Variants in KLF5 observed in about 807,000 individuals in gnomAD.
The protein encoded by KLF5 is KLF transcription factor 5, also known as Krueppel-like factor 5.
Under a neutral mutation model 36.9 loss-of-function variants are expected in KLF5, and 9 were observed. The ratio of observed to expected loss-of-function variants is 0.24; its 90% CI spans 0.15 to 0.43. The LOEUF is 0.43. Among genes scored for constraint, KLF5 ranks in the 20% least tolerant of loss-of-function variants. The pLI is 1.00. For missense variants in KLF5, 524 were observed against 599.5 expected (o/e 0.87, Z 1.31); for synonymous variants, 246 against 241.7 (o/e 1.02, Z -0.17).
At chr13:73,063,987 GT>G (rs397951061) in intron 3 of KLF5, 104 bp downstream of exon 3, 1,544 of 447,842 alleles carry the variant, frequency 3.4e-3, no homozygotes, top group African/African-American at 8.5e-3. Context: ...TGTCAACTTT[GT>G]TTTTTTTTTT....
chr13:73,062,920 G>A lies in KLF5; in HGVS notation c.1135+186G>A, dbSNP rs2044650762. ...TTTTTTTTTTCTCTATCCTATCTCT[G>A]TGCTTTAACTTTGGTATGTAAACCA... is the stretch of plus-strand genomic sequence containing the variant. On this transcript the variant is annotated intron_variant, in intron 2 of 3. Coordinates refer to ENST00000377687, the MANE Select transcript of KLF5 (RefSeq NM_001730.5). Among the ~76,000 whole-genome samples, 5 of 147,542 alleles carry A rather than the reference G, an allele frequency of 3.4e-5. 1 individual carries two copies. Among genetic ancestry groups the A allele is most frequent in the Non-Finnish European group, 7.4e-5 (5 of 67,146 alleles).
At chr13:73,060,721 C>G (rs41286076) in intron 1 of KLF5, 4 of 152,098 alleles carry the variant, frequency 2.6e-5, no homozygotes, top group African/African-American at 9.7e-5. Flanking sequence ...GTCTTATTTA[C>G]CTGTTAAGGT....
chr13:73,068,563 G>A (rs1396715366), intron 3 of KLF5, among the ~76,000 whole-genome samples: 1 of 151,586 alleles, frequency 6.6e-6, no homozygotes, highest in South Asian at 2.1e-4. Flanking sequence ...AATTAGTCAG[G>A]CGTGGTGGCA....
At chr13:73,062,808 T>G (rs1212890020) in intron 2 of KLF5, 74 bp downstream of exon 2, 2 of 1,317,502 alleles carry the variant, frequency 1.5e-6, no homozygotes, top group Non-Finnish European at 2.1e-6. Context: ...CGCGCGCGTG[T>G]GCGTGTGTGC....
intron 3 of KLF5, among the ~76,000 whole-genome samples, chr13:73,073,099 C>T (rs2139117608): frequency 6.6e-6 from 1 of 152,302 alleles, no homozygotes; most frequent in East Asian, 1.9e-4. Context: ...CTTTTGAAAG[C>T]TCTATCCTGT....
intron 1 of KLF5, 115 bp downstream of exon 1, chr13:73,059,703 C>T (rs1490398897): frequency 3.2e-6 from 3 of 936,732 alleles, no homozygotes; most frequent in Non-Finnish European, 3.8e-6. Context: ...CGGGGCGCAC[C>T]GGAGCCGGTG....
intron 1 of KLF5, among the ~76,000 whole-genome samples, chr13:73,060,339 G>A (rs1187996323): frequency 6.6e-6 from 1 of 151,938 alleles, no homozygotes; most frequent in Non-Finnish European, 1.5e-5. Context: ...AAAACTTCCC[G>A]GGACTTTTAG....
chr13:73,061,350 C>T (rs1033938034), intron 1 of KLF5, among the ~76,000 whole-genome samples: 1 of 151,998 alleles, frequency 6.6e-6, no homozygotes, highest in African/African-American at 2.4e-5. Context: ...TTTTATATTA[C>T]TTTTGAAGTA....
upstream of KLF5, among the ~76,000 whole-genome samples, chr13:73,057,659 AG>A (rs1404553226): frequency 6.6e-6 from 1 of 152,256 alleles, no homozygotes; most frequent in Non-Finnish European, 1.5e-5. Context: ...CACTCTTTGA[AG>A]TGAACGTTTT....
intron 1 of KLF5, 83 bp downstream of exon 1, chr13:73,059,671 C>T (rs2044615869): frequency 4.8e-6 from 5 of 1,039,912 alleles, no homozygotes; most frequent in Non-Finnish European, 4.6e-6. Context: ...CGACAGGGGC[C>T]GCTCCAGGCT....
At position 73,059,234 on chromosome 13, in the gene KLF5, C is replaced by A. The variant is rs1460899204; in HGVS notation, c.-94C>A. On this transcript the variant is annotated 5_prime_UTR_variant, in exon 1 of 4. Coordinates refer to ENST00000377687, the MANE Select transcript of KLF5 (RefSeq NM_001730.5). Reference sequence around the variant, plus strand: ...CCACCCGAAACCTCCCCTCCTCCGCCGGCAGCCCCGCGCTGAGCTCGCCGA... The same window carrying A: ...CCACCCGAAACCTCCCCTCCTCCGCAGGCAGCCCCGCGCTGAGCTCGCCGA... 3 of 1,198,186 alleles carry A rather than the reference C, an allele frequency of 2.5e-6. No individual in the cohort carries two copies. The highest frequency in any genetic ancestry group is 3.2e-6 in the Non-Finnish European group (3 of 948,502). 74.2% of individuals were successfully genotyped at this position (1,198,186 alleles called of 1,614,324 possible).
rs919174078 is a variant in KLF5 at position 73,062,192 on chromosome 13, C to T, written c.593C>T (p.Thr198Ile). 2 of 1,614,030 alleles carry T rather than the reference C, an allele frequency of 1.2e-6. No homozygotes were observed. The highest frequency in any genetic ancestry group is 3.3e-5 in the Admixed American group (2 of 60,004). Residue 198 changes from threonine (T) to isoleucine (I), a missense_variant, in exon 2 of 4, where the codon ACC (threonine) becomes ATC (isoleucine). This residue lies in a region of KLF5 where 454 missense variants were observed against 458.1 expected (regional missense o/e 0.99). Coordinates refer to ENST00000377687, the MANE Select transcript of KLF5 (RefSeq NM_001730.5). ...ACCAGTATATTCAGCTCACACCAGA[C>T]CGCAGCTCCAGAGGTGAACAATATT... ...EFTSIFSSHQ[T>I]AAPEVNNIFI...
At chr13:73,071,583 A>C (rs1003601332) in intron 3 of KLF5, among the ~76,000 whole-genome samples, 1 of 152,224 alleles carries the variant, frequency 6.6e-6, no homozygotes, top group Admixed American at 6.5e-5. Flanking sequence ...TCATTTTCCT[A>C]TGAATTTCTT....
chr13:73,062,625 T>C lies in KLF5; in HGVS notation c.1026T>C (p.Asn342=). The change falls in exon 2 of 4, where the codon AAT becomes AAC. Residue 342 remains asparagine, a synonymous_variant. Transcript: ENST00000377687. ...CTAAACTGGCAATTCACAATCCAAA[T>C]TTACCCACCACCCTGCCAGTTAACT... ...IASKLAIHNP[N]LPTTLPVNSQ... 2 of 1,614,174 alleles carry C rather than the reference T, an allele frequency of 1.2e-6. No homozygotes were observed. The highest frequency in any genetic ancestry group is 1.3e-5 in the African/African-American group (1 of 75,046).
chr13:73,057,105 G>C (rs1456226676), upstream of KLF5, among the ~76,000 whole-genome samples: 1 of 152,026 alleles, frequency 6.6e-6, no homozygotes, highest in African/African-American at 2.4e-5. Context: ...GGTCTAGATA[G>C]GTTTAAAAGC....
intron 3 of KLF5, among the ~76,000 whole-genome samples, chr13:73,064,205 C>A (rs1305438746): frequency 6.6e-6 from 1 of 151,412 alleles, no homozygotes; most frequent in East Asian, 1.9e-4. Context: ...GGAAAAAAAA[C>A]AAAACAAAAC....
chr13:73,073,629 A>C (rs982945003), intron 3 of KLF5, among the ~76,000 whole-genome samples: 1 of 152,200 alleles, frequency 6.6e-6, no homozygotes, highest in Non-Finnish European at 1.5e-5. Flanking sequence ...TGGGAGCACT[A>C]TAGGAATTTT....
At chr13:73,073,921 A>G (rs1378995598) in intron 3 of KLF5, among the ~76,000 whole-genome samples, 1 of 152,194 alleles carries the variant, frequency 6.6e-6, no homozygotes, top group Non-Finnish European at 1.5e-5. Flanking sequence ...CTTAGGTTAA[A>G]TTTCTGGTTA....
Position 73,077,057 on chromosome 13 carries a change from A to G in KLF5, c.*1171A>G, listed in dbSNP as rs1421447495. The G allele has an allele frequency of 6.6e-6, 1 of 152,636 alleles. No homozygotes were observed. The highest frequency in any genetic ancestry group is 2.4e-5 in the African/African-American group (1 of 41,428). The allele number at this position is 152,636 out of a possible 1,614,324, so 9.5% of individuals were successfully genotyped here. On this transcript the variant is annotated 3_prime_UTR_variant, in exon 4 of 4. Coordinates refer to ENST00000377687, the MANE Select transcript of KLF5 (RefSeq NM_001730.5). ...GAAAACTTAAGGAAGCAAATGCTAC[A>G]TATATGCAATATAAAATAGTAATGT...
Sources: allele counts gnomAD v4.1 joint callset (sites outside exome capture counted in the v4.1 genomes callset), GRCh38; gene constraint gnomAD v4.1.1; regional missense constraint gnomAD v4.1.1; transcripts MANE v1.5; gene names NCBI Gene and HGNC (gene_info 2026-07-23, HGNC 2026-07-21).